Variants in MPPED2 observed in about 807,000 individuals in gnomAD.
The protein encoded by MPPED2 is metallophosphoesterase domain containing 2, also known as metallophosphoesterase MPPED2.
Under a neutral mutation model 33.0 loss-of-function variants are expected in MPPED2, and 5 were observed. That is an observed-to-expected ratio of 0.15 (90% CI 0.08 to 0.32). MPPED2 has a LOEUF of 0.32. Among genes scored for constraint, MPPED2 ranks in the 10% least tolerant of loss-of-function variants. The pLI is 1.00. For missense variants in MPPED2, 275 were observed against 372.1 expected (o/e 0.74, Z 2.15); for synonymous variants, 136 against 141.9 (o/e 0.96, Z 0.29).
exon 7 of MPPED2, chr11:30,386,180 T>C (rs557951451): frequency 6.6e-6 from 1 of 152,368 alleles, no homozygotes; most frequent in Non-Finnish European, 1.5e-5. Context: ...GAGTGAAATA[T>C]GAGCAGGCTG....
chr11:30,469,040 C>T (rs574010018), intron 4 of MPPED2: 6 of 152,306 alleles, frequency 3.9e-5, no homozygotes, highest in African/African-American at 1.2e-4. Context: ...TTGATCCTTA[C>T]TCATGCTATT....
At chr11:30,532,858 G>A (rs1954603449) in intron 3 of MPPED2, among the ~76,000 whole-genome samples, 2 of 152,184 alleles carry the variant, frequency 1.3e-5, no homozygotes, top group African/African-American at 4.8e-5. Flanking sequence ...GGTGACATAT[G>A]TACAGATTAA....
chr11:30,491,856 A>C (rs1246294741), intron 4 of MPPED2, among the ~76,000 whole-genome samples: 1 of 152,258 alleles, frequency 6.6e-6, no homozygotes, highest in Non-Finnish European at 1.5e-5. Context: ...ATGAAACTGA[A>C]ATATCATTTT....
At chr11:30,424,424 G>A (rs1406724340) in intron 4 of MPPED2, among the ~76,000 whole-genome samples, 7 of 152,082 alleles carry the variant, frequency 4.6e-5, no homozygotes, top group Non-Finnish European at 8.8e-5. Flanking sequence ...GCCCCTCTCC[G>A]ACTGCACATC....
intron 2 of MPPED2, among the ~76,000 whole-genome samples, chr11:30,550,652 C>T (rs973503712): frequency 6.6e-6 from 1 of 152,134 alleles, no homozygotes; most frequent in Non-Finnish European, 1.5e-5. Flanking sequence ...CCTCTCATTC[C>T]GGAGTGAAAG....
At chr11:30,499,439 G>A (rs1011081419) in intron 3 of MPPED2, among the ~76,000 whole-genome samples, 2 of 152,158 alleles carry the variant, frequency 1.3e-5, no homozygotes, top group African/African-American at 4.8e-5. Context: ...TGCTCAAAAT[G>A]TTTCAGATTT....
intron 2 of MPPED2, among the ~76,000 whole-genome samples, chr11:30,540,572 T>C (rs1955043134): frequency 6.6e-6 from 1 of 152,176 alleles, no homozygotes; most frequent in Non-Finnish European, 1.5e-5. Flanking sequence ...TTAGTAGTAG[T>C]ATCATTTAAC....
intron 4 of MPPED2, among the ~76,000 whole-genome samples, chr11:30,466,139 A>G (rs1405917074): frequency 1.3e-5 from 2 of 152,240 alleles, no homozygotes; most frequent in Non-Finnish European, 2.9e-5. Context: ...GAATAGATCT[A>G]TAACTATTGA....
intron 4 of MPPED2, chr11:30,451,880 G>A: frequency 3.0e-6 from 3 of 984,740 alleles, no homozygotes; most frequent in Non-Finnish European, 3.6e-6. Context: ...CTATGCCCTA[G>A]TTCCAGCTCA....
chr11:30,551,093 G>A (rs1955689294), intron 2 of MPPED2, among the ~76,000 whole-genome samples: 1 of 152,152 alleles, frequency 6.6e-6, no homozygotes, highest in Non-Finnish European at 1.5e-5. Context: ...TGGAGTCTAA[G>A]AACAAGAAGG....
chr11:30,431,122 T>C (rs1949058763), intron 4 of MPPED2, among the ~76,000 whole-genome samples: 1 of 152,172 alleles, frequency 6.6e-6, no homozygotes, highest in African/African-American at 2.4e-5. Context: ...AGCTATTCTT[T>C]TTGTCATGGA....
chr11:30,413,985 G>A (rs751496665), intron 6 of MPPED2, among the ~76,000 whole-genome samples: 1 of 152,198 alleles, frequency 6.6e-6, no homozygotes, highest in Non-Finnish European at 1.5e-5. Context: ...CTGCCAGGGG[G>A]AGTGCAGGGT....
At chr11:30,458,750 A>G (rs557750475) in intron 4 of MPPED2, among the ~76,000 whole-genome samples, 3 of 152,190 alleles carry the variant, frequency 2.0e-5, no homozygotes, top group South Asian at 2.1e-4. Context: ...CATGTCTAAG[A>G]AGGGCTGAGG....
At chr11:30,449,339 T>C (rs1217416354) in intron 4 of MPPED2, among the ~76,000 whole-genome samples, 1 of 152,206 alleles carries the variant, frequency 6.6e-6, no homozygotes, top group East Asian at 1.9e-4. Flanking sequence ...ATTTTTGAGC[T>C]GAAAGCAACG....
At chr11:30,527,227 G>T (rs954625412) in intron 3 of MPPED2, among the ~76,000 whole-genome samples, 8 of 152,056 alleles carry the variant, frequency 5.3e-5, no homozygotes, top group Admixed American at 3.3e-4. Context: ...ACCGCGCCCG[G>T]CCTCTATTTT....
chr11:30,573,714 G>A (rs1956803475), intron 2 of MPPED2, among the ~76,000 whole-genome samples: 1 of 152,086 alleles, frequency 6.6e-6, no homozygotes, highest in Admixed American at 6.6e-5. Flanking sequence ...GTGGTTTTTG[G>A]TTACATGGAT....
At chr11:30,514,828 G>GC (rs1191322610) in intron 3 of MPPED2, among the ~76,000 whole-genome samples, 2 of 152,130 alleles carry the variant, frequency 1.3e-5, no homozygotes, top group Admixed American at 1.3e-4. Context: ...TAGGTCTGGC[G>GC]CAATGACTCA....
intron 1 of MPPED2, among the ~76,000 whole-genome samples, chr11:30,582,963 C>T (rs1004874569): frequency 1.3e-5 from 2 of 152,090 alleles, no homozygotes; most frequent in Non-Finnish European, 2.9e-5. Flanking sequence ...AATCTGGAGT[C>T]CTTTGAAGAA....
At chr11:30,396,064 C>T (rs761625222) in intron 6 of MPPED2, among the ~76,000 whole-genome samples, 3 of 152,196 alleles carry the variant, frequency 2.0e-5, no homozygotes, top group Non-Finnish European at 4.4e-5. Context: ...CGCATTCCAG[C>T]AAGGCTCTGG....
Sources: gnomAD v4.1 joint callset for allele counts (sites outside exome capture counted in the v4.1 genomes callset) on GRCh38, gnomAD v4.1.1 for gene constraint, MANE v1.5 for transcripts, NCBI Gene and HGNC (gene_info 2026-07-23, HGNC 2026-07-21) for gene names.